The following MORC2 variants were observed in gnomAD, a reference collection of about 807,000 sequenced individuals.
The protein encoded by MORC2 is ATPase MORC2.
MORC2 carries 30 observed loss-of-function variants against 136.0 expected under a neutral mutation model. The ratio of observed to expected loss-of-function variants is 0.22; its 90% CI spans 0.17 to 0.30. The LOEUF (loss-of-function observed/expected upper bound fraction) is 0.30, where lower values mean the gene tolerates loss of function less well. Among genes scored for constraint, MORC2 ranks in the 10% least tolerant of loss-of-function variants. MORC2 has a pLI of 1.00. For missense variants in MORC2, 922 were observed against 1,333.1 expected, an observed-to-expected ratio of 0.69 and a Z score of 4.80; for synonymous variants, 439 against 487.0, an observed-to-expected ratio of 0.90 and a Z score of 1.30.
intron 6 of MORC2, 25 bp from the exon 7 acceptor site, chr22:30,942,296 C>T (rs754479543): frequency 1.9e-6 from 3 of 1,593,636 alleles, no homozygotes; most frequent in Non-Finnish European, 8.5e-7. Context: ...TGAGCAGGCA[C>T]TTTAAGGGAA....
chr22:30,942,973 C>G (rs2040762590), intron 6 of MORC2, among the ~76,000 whole-genome samples: 1 of 151,862 alleles, frequency 6.6e-6, no homozygotes, highest in African/African-American at 2.4e-5. Context: ...CCACTGCACT[C>G]CAGCCTGGGC....
rs369214361 is a variant in MORC2 at position 30,934,010 on chromosome 22, C to T, written c.2325+50G>A. Reference sequence around the variant, plus strand: ...GGGGGGTGCAGACTGCTGGTGGGGGCTGCAGGCCCTAGAGAGAGAGGCTTT... The same window carrying T: ...GGGGGGTGCAGACTGCTGGTGGGGGTTGCAGGCCCTAGAGAGAGAGGCTTT... On this transcript the variant is annotated intron_variant, in intron 20 of 25. Transcript: ENST00000397641. This position sits in a 1 kb window ranked among gnomAD's most constrained non-coding sequence, Gnocchi z 4.4. The T allele has an allele frequency of 3.1e-6, 5 of 1,608,330 alleles. No individual in the cohort carries two copies. Among genetic ancestry groups the T allele is most frequent in the African/African-American group, 1.3e-5 (1 of 74,766 alleles).
intron 1 of MORC2, chr22:30,963,380 G>T: frequency 8.2e-6 from 7 of 849,622 alleles, no homozygotes; most frequent in Non-Finnish European, 9.8e-6. Context: ...ACTTTCAACT[G>T]ATTATGGCTT....
chr22:30,929,956 G>A (rs1182209197), intron 24 of MORC2: 3 of 152,026 alleles, frequency 2.0e-5, no homozygotes, highest in Non-Finnish European at 4.4e-5. Context: ...GGGTTCAAGC[G>A]ATTTTCATGC....
rs768232175 is a variant in MORC2 at position 30,941,728 on chromosome 22, C to T, written c.698+163G>A. On this transcript the variant is annotated intron_variant, in intron 8 of 25. Transcript: ENST00000397641. This position sits in a 1 kb window ranked among gnomAD's most constrained non-coding sequence, Gnocchi z 4.6. ...TGAGCACCACATCCCGCCCCTCTCA[C>T]GTCCTCAGCACAGGCACCCCACAGG... 1.4e-4 allele frequency among the ~76,000 whole-genome samples: 21 copies of T among 152,164 alleles called. No homozygotes were observed. Among genetic ancestry groups the T allele is most frequent in the Non-Finnish European group, 2.6e-4 (18 of 68,028 alleles).
chr22:30,965,528 T>TA (rs2041115243), intron 1 of MORC2, among the ~76,000 whole-genome samples: 1 of 152,216 alleles, frequency 6.6e-6, no homozygotes, highest in South Asian at 2.1e-4. Flanking sequence ...GTAGGACTAA[T>TA]ACATCAAAAA....
rs1456920538 is a variant in MORC2, at chr22:30,934,911, G to A, written c.2063C>T (p.Pro688Leu). Residue 688 changes from proline (P) to leucine (L), a missense_variant, in exon 19 of 26, where the codon CCT becomes CTT. Coordinates refer to ENST00000397641, the MANE Select transcript of MORC2 (RefSeq NM_001303256.3). The surrounding 1 kb of genome is among the most constrained non-coding windows in gnomAD (Gnocchi z 4.4). Reference sequence around the variant, plus strand: ...TGACAGTTGCTGCACCAGAGGGGCAGGTCGGGATGCAGTCTTGACGAGAGT... The same window carrying A: ...TGACAGTTGCTGCACCAGAGGGGCAAGTCGGGATGCAGTCTTGACGAGAGT... ...ANTLVKTASR[P>L]APLVQQLSPS... The A allele has an allele frequency of 6.2e-7, 1 of 1,614,062 alleles. No homozygotes were observed. Among genetic ancestry groups the A allele is most frequent in the African/African-American group, 1.3e-5 (1 of 74,926 alleles).
Position 30,967,894 on chromosome 22 carries a change from G to A in MORC2, c.-5C>T, listed in dbSNP as rs542013028. On this transcript the variant is annotated 5_prime_UTR_variant, in exon 1 of 26. Coordinates refer to ENST00000397641, the MANE Select transcript of MORC2 (RefSeq NM_001303256.3). ...GCTGTAATTTGTGAAAGCCATGACT[G>A]CAATAAGGTCTCCAGCCCTTCACCC... 9 of 1,544,520 alleles carry A rather than the reference G, an allele frequency of 5.8e-6. No individual in the cohort carries two copies. Among genetic ancestry groups the A allele is most frequent in the South Asian group, 1.2e-5 (1 of 83,930 alleles).
At position 30,942,022 on chromosome 22, in the gene MORC2, T is replaced by C. The variant is rs1270306271; in HGVS notation, c.587-20A>G. On this transcript the variant is annotated intron_variant, in intron 7 of 25. Coordinates refer to ENST00000397641, the MANE Select transcript of MORC2 (RefSeq NM_001303256.3). ...ATGTTCCTGAGAAACAGAAATCTTT[T>C]GTCCTGCCAGATCCCCCGGCCCACC... 6 of 1,611,292 alleles carry C rather than the reference T, an allele frequency of 3.7e-6. No individual in the cohort carries two copies. In the Admixed American group the frequency reaches 6.7e-5, roughly 18 times the overall value.
chr22:30,928,764 G>A (rs544324109), intron 24 of MORC2, among the ~76,000 whole-genome samples: 4 of 152,210 alleles, frequency 2.6e-5, no homozygotes, highest in Non-Finnish European at 4.4e-5. Flanking sequence ...GAAACAAGCA[G>A]TTTTTCTAGT....
chr22:30,956,706 A>G (rs1376187264), intron 3 of MORC2, 57 bp downstream of exon 3: 1 of 1,307,244 alleles, frequency 7.6e-7, no homozygotes, highest in Non-Finnish European at 1.1e-6. Flanking sequence ...CTTCTTAGGC[A>G]CAGTAATAAA....
chr22:30,961,859 A>C (rs569179411), intron 1 of MORC2, among the ~76,000 whole-genome samples: 24 of 152,310 alleles, frequency 1.6e-4, no homozygotes, highest in African/African-American at 4.3e-4. Flanking sequence ...AGAATGCAAT[A>C]AGCAGATCTC....
At chr22:30,940,627 G>A (rs141261955) in intron 10 of MORC2, 131 bp downstream of exon 10, 1 of 780,590 alleles carries the variant, frequency 1.3e-6, no homozygotes, top group East Asian at 2.4e-5. Flanking sequence ...CAAAGGAACT[G>A]AACTATGCTT....
At chr22:30,964,917 A>G (rs1269714168) in intron 1 of MORC2, among the ~76,000 whole-genome samples, 1 of 124,312 alleles carries the variant, frequency 8.0e-6, no homozygotes, top group East Asian at 3.5e-4. Context: ...ATTATAGAGT[A>G]ACACTCACCA....
intron 6 of MORC2, among the ~76,000 whole-genome samples, chr22:30,944,410 C>T (rs954995508): frequency 3.3e-5 from 5 of 152,138 alleles, no homozygotes; most frequent in Admixed American, 2.6e-4. Flanking sequence ...TTCAATGGTA[C>T]ACTTGCCCAG....
Position 30,934,201 on chromosome 22 carries a change from G to T in MORC2, c.2194-10C>A. 1 of 1,614,096 alleles carries T rather than the reference G, an allele frequency of 6.2e-7. No homozygotes were observed. The highest frequency in any genetic ancestry group is 8.5e-7 in the Non-Finnish European group (1 of 1,179,970). On this transcript the variant is annotated splice_polypyrimidine_tract_variant and intron_variant, in intron 19 of 25. Coordinates refer to ENST00000397641, the MANE Select transcript of MORC2 (RefSeq NM_001303256.3). The surrounding 1 kb of genome is among the most constrained non-coding windows in gnomAD (Gnocchi z 4.4). ...TCCGACTAGGGGTAGCCTAGAGCAA[G>T]AGGAGCGTGAGGATGTGAGGGGCCC...
intron 1 of MORC2, chr22:30,963,286 T>C: frequency 1.0e-6 from 1 of 982,960 alleles, no homozygotes; most frequent in South Asian, 4.7e-5. Context: ...TAGAAATTCT[T>C]TTCTTCACAG....
chr22:30,926,832 T>A lies in MORC2; in HGVS notation c.3070A>T (p.Ile1024Phe). ...TCCCCCTTGGTGATGAGGTCCTCAA[T>A]GTAGGCGTCCAGCTCATCATCTGTG... ...INTDDELDAY[I>F]EDLITKGD Residue 1024 changes from isoleucine (I) to phenylalanine (F), a missense_variant, in exon 26 of 26, where the codon ATT (isoleucine) becomes TTT (phenylalanine). Ile to Phe is a conservative substitution (Grantham distance 21). Coordinates refer to ENST00000397641, the MANE Select transcript of MORC2 (RefSeq NM_001303256.3). 1 of 1,613,848 alleles carries A rather than the reference T, an allele frequency of 6.2e-7. No homozygotes were observed. The highest frequency in any genetic ancestry group is 1.1e-5 in the South Asian group (1 of 91,078).
At position 30,935,129 on chromosome 22, in the gene MORC2, C is replaced by T. The variant is rs765731466; in HGVS notation, c.1845G>A (p.Ser615=). The T allele has an allele frequency of 8.7e-6, 14 of 1,612,694 alleles. No homozygotes were observed. Among genetic ancestry groups the T allele is most frequent in the East Asian group, 2.2e-5 (1 of 44,828 alleles). Reference sequence around the variant, plus strand: ...TCCTGATCACAGCAGGTAAAGGGGGCGACCGAGGACGCTGAGGTCTACGCA... The same window carrying T: ...TCCTGATCACAGCAGGTAAAGGGGGTGACCGAGGACGCTGAGGTCTACGCA... ...EPVRRPQRPR[S]PPLPAVIRNA... is the part of the protein sequence containing the mutation. Residue 615 remains serine, a synonymous_variant, in exon 19 of 26, where the codon TCG becomes TCA. Coordinates refer to ENST00000397641, the MANE Select transcript of MORC2 (RefSeq NM_001303256.3).
Sources: gnomAD v4.1 joint callset for allele counts (sites outside exome capture counted in the v4.1 genomes callset) on GRCh38, gnomAD v4.1.1 for gene constraint, Gnocchi (gnomAD v3.1) non-coding constraint, MANE v1.5 for transcripts, NCBI Gene and HGNC (gene_info 2026-07-23, HGNC 2026-07-21) for gene names.